Variants in CBX8 observed in about 807,000 individuals in gnomAD.
CBX8 encodes the protein chromobox protein homolog 8.
In CBX8, 8 loss-of-function variants were observed where a neutral mutation model predicts 39.7. The observed-to-expected ratio is 0.20, with a 90% CI of 0.12 to 0.36. CBX8 has a LOEUF of 0.36. Ranked by LOEUF, CBX8 falls within the 10% of genes least tolerant of loss-of-function variation. The pLI is 1.00. For missense variants in CBX8, 505 were observed against 529.6 expected (o/e 0.95, Z 0.46); for synonymous variants, 268 against 219.8 (o/e 1.22, Z -1.94).
In CBX8 at chr17:79,795,284, C is replaced by A. The variant is rs750716232; in HGVS notation, c.521G>T (p.Arg174Leu). 137 of 1,600,018 alleles carry A rather than the reference C, an allele frequency of 8.6e-5. No individual in the cohort carries two copies. The highest frequency in any genetic ancestry group is 9.5e-5 in the Non-Finnish European group (111 of 1,173,352). ...RERERERERE[R>L]ERERERGTSR... ...GGTACCCCGCTCTCGTTCCCTCTCA[C>A]GTTCCCGCTCCCTCTCTCGCTCCCT... Residue 174 changes from arginine to leucine, a missense_variant, in exon 5 of 5, where the codon CGT (arginine) becomes CTT (leucine). By Grantham distance (102) the Arg-to-Leu change is moderately radical (BLOSUM62 -2). Transcript: ENST00000269385. The surrounding 1 kb of genome is among the most constrained non-coding windows in gnomAD (Gnocchi z 5.8).
chr17:79,796,462 A>T, intron 2 of CBX8, 35 bp downstream of exon 2: 1 of 1,613,652 alleles, frequency 6.2e-7, no homozygotes, highest in South Asian at 1.1e-5. Context: ...CCCGAATAAC[A>T]GTCTGGGGTT....
chr17:79,795,440 T>A lies in CBX8; in HGVS notation c.365A>T (p.Glu122Val). Residue 122 changes from glutamate to valine, a missense_variant, in exon 5 of 5, where the codon GAG becomes GTG. Physicochemically the swap from Glu to Val is moderately radical, Grantham distance 121 (BLOSUM62 -2). This residue lies in a region of CBX8 where 456 missense variants were observed against 389.2 expected (regional missense o/e 1.17). Coordinates refer to ENST00000269385, the MANE Select transcript of CBX8 (RefSeq NM_020649.3). This position sits in a 1 kb window ranked among gnomAD's most constrained non-coding sequence, Gnocchi z 5.8. ...GGACAAACCCATGTTTCGAAGGCCCTCCCGGGCCCGGGAAGTGGAGGCCAG... is the reference window on the plus strand; with the variant it reads ...GGACAAACCCATGTTTCGAAGGCCCACCCGGGCCCGGGAAGTGGAGGCCAG... ...QDLASTSRAREGLRNMGLSPP... is the reference protein window; with the variant it reads ...QDLASTSRARVGLRNMGLSPP... 10 of 1,606,062 alleles carry A rather than the reference T, an allele frequency of 6.2e-6. No individual in the cohort carries two copies. The highest frequency in any genetic ancestry group is 8.5e-6 in the Non-Finnish European group (10 of 1,176,454).
Position 79,797,009 on chromosome 17 carries a change from C to T in CBX8, c.-11G>A. ...CGCTGAAAGCTCCATGTTGACTCGC[C>T]GCTTCCCCCCTTGGCCGCTTCCAGG... On this transcript the variant is annotated 5_prime_UTR_variant, in exon 1 of 5. Coordinates refer to ENST00000269385, the MANE Select transcript of CBX8 (RefSeq NM_020649.3). 1 of 1,607,180 alleles carries T rather than the reference C, an allele frequency of 6.2e-7. No homozygotes were observed. Among genetic ancestry groups the T allele is most frequent in the Non-Finnish European group, 8.5e-7 (1 of 1,177,536 alleles).
Position 79,795,455 on chromosome 17 carries a change from G to C in CBX8, c.350C>G (p.Thr117Ser), listed in dbSNP as rs375799501. Residue 117 changes from threonine (T) to serine (S), a missense_variant, in exon 5 of 5, where the codon ACT becomes AGT. Physicochemically the swap from Thr to Ser is moderately conservative, Grantham distance 58. Coordinates refer to ENST00000269385, the MANE Select transcript of CBX8 (RefSeq NM_020649.3). The surrounding 1 kb of genome is among the most constrained non-coding windows in gnomAD (Gnocchi z 5.8). ...TCGAAGGCCCTCCCGGGCCCGGGAAGTGGAGGCCAGGTCCTGGGGCGAGCG... is the reference window on the plus strand; with the variant it reads ...TCGAAGGCCCTCCCGGGCCCGGGAACTGGAGGCCAGGTCCTGGGGCGAGCG... ...PGRSPQDLAS[T>S]SRAREGLRNM... is the part of the protein sequence containing the mutation. 762 of 1,606,860 alleles carry C rather than the reference G, an allele frequency of 4.7e-4. 7 individuals are homozygous for C. In the Admixed American group the frequency reaches 0.012, roughly 25 times the overall value.
rs929624260 is a variant in CBX8, at chr17:79,792,258, A to G, written c.*2377T>C. The stretch of plus-strand genomic sequence containing the variant: ...GCGGAGATCGATTGGAGATTTGTAC[A>G]AATCTTAGAATTAAATAAACCCAAC... On this transcript the variant is annotated 3_prime_UTR_variant, in exon 5 of 5. Coordinates refer to ENST00000269385, the MANE Select transcript of CBX8 (RefSeq NM_020649.3). 8 of 152,238 alleles carry G rather than the reference A, an allele frequency of 5.3e-5. No individual in the cohort carries two copies. The highest frequency in any genetic ancestry group is 3.9e-4 in the Admixed American group (6 of 15,286). 9.4% of individuals were successfully genotyped at this position (152,238 alleles called of 1,614,324 possible).
In CBX8 at chr17:79,797,042, A is replaced by C; in HGVS notation, c.-44T>G. 1 of 1,581,916 alleles carries C rather than the reference A, an allele frequency of 6.3e-7. No individual in the cohort carries two copies. The highest frequency in any genetic ancestry group is 1.4e-5 in the African/African-American group (1 of 73,560). On this transcript the variant is annotated 5_prime_UTR_variant, in exon 1 of 5. Coordinates refer to ENST00000269385, the MANE Select transcript of CBX8 (RefSeq NM_020649.3). ...CCCTTGGCCGCTTCCAGGAGCAGAA[A>C]AGCAGCAGCCAGCGCACGACAGACC...
rs1018551775 is a variant in CBX8 at position 79,793,908 on chromosome 17, C to T, written c.*727G>A. ...CTGCGTGTACCACACACACACCCCT[C>T]CCTAAAGTGCATTTCCTGGTGTGGT... On this transcript the variant is annotated 3_prime_UTR_variant, in exon 5 of 5. Transcript: ENST00000269385. The T allele has an allele frequency of 6.6e-6, 1 of 152,198 alleles. No homozygotes were observed. Among genetic ancestry groups the T allele is most frequent in the African/African-American group, 2.4e-5 (1 of 41,438 alleles). 9.4% of individuals were successfully genotyped at this position (152,198 alleles called of 1,614,324 possible). A position where few individuals can be genotyped will look rare whatever the true frequency, so the allele number is the denominator to read the frequency against.
Position 79,795,586 on chromosome 17 carries a change from T to C in CBX8, c.247-28A>G. The C allele has an allele frequency of 6.7e-7, 1 of 1,481,692 alleles. No homozygotes were observed. The highest frequency in any genetic ancestry group is 1.4e-5 in the South Asian group (1 of 71,024). 91.8% of individuals were successfully genotyped at this position (1,481,692 alleles called of 1,614,324 possible). On this transcript the variant is annotated intron_variant, in intron 4 of 4. Transcript: ENST00000269385. This position sits in a 1 kb window ranked among gnomAD's most constrained non-coding sequence, Gnocchi z 5.8. Reference sequence around the variant, plus strand: ...GCAGGAGAGAAGATGGTCTCAAGAGTGGGGCAGGGCCCTGTCCACCCCCAC... The same window carrying C: ...GCAGGAGAGAAGATGGTCTCAAGAGCGGGGCAGGGCCCTGTCCACCCCCAC...
rs1598234740 is a variant in CBX8, at chr17:79,794,521, C to A, written c.*114G>T. On this transcript the variant is annotated 3_prime_UTR_variant, in exon 5 of 5. Coordinates refer to ENST00000269385, the MANE Select transcript of CBX8 (RefSeq NM_020649.3). Reference sequence around the variant, plus strand: ...AAAGGGGCTGGTGGGGTGGGGGTGACATCAGGGACGGGACCAGCCAAAAGG... The same window carrying A: ...AAAGGGGCTGGTGGGGTGGGGGTGAAATCAGGGACGGGACCAGCCAAAAGG... The A allele has an allele frequency of 6.9e-6, 5 of 723,754 alleles. No homozygotes were observed. The highest frequency in any genetic ancestry group is 1.8e-5 in the African/African-American group (1 of 56,344). 44.8% of individuals were successfully genotyped at this position (723,754 alleles called of 1,614,324 possible). A position where few individuals can be genotyped will look rare whatever the true frequency, so the allele number is the denominator to read the frequency against.
In CBX8 at chr17:79,795,175, G is replaced by C. The variant is rs1438911766; in HGVS notation, c.630C>G (p.Pro210=). 1.2e-6 allele frequency: 2 copies of C among 1,613,536 alleles called. No individual in the cohort carries two copies. Among genetic ancestry groups the C allele is most frequent in the Admixed American group, 1.7e-5 (1 of 59,962 alleles). ...TGGGTTCGCCTAAGGGCCTCTGTGAGGGGTCCGGGAGCTCCTTCCGGGGCT... is the reference window on the plus strand; with the variant it reads ...TGGGTTCGCCTAAGGGCCTCTGTGACGGGTCCGGGAGCTCCTTCCGGGGCT... ...GPKPRKELPD[P]SQRPLGEPSA... Residue 210 remains proline, a synonymous_variant, in exon 5 of 5, where the codon CCC becomes CCG. Transcript: ENST00000269385. The surrounding 1 kb of genome is among the most constrained non-coding windows in gnomAD (Gnocchi z 5.8).
Position 79,796,230 on chromosome 17 carries a change from G to A in CBX8, c.179+20C>T, listed in dbSNP as rs1196359451. 6.2e-7 allele frequency: 1 copy of A among 1,614,032 alleles called. No homozygotes were observed. The highest frequency in any genetic ancestry group is 8.5e-7 in the Non-Finnish European group (1 of 1,180,000). ...CTACTTGTTTCTAAGTGAGCGGCTG[G>A]GACTTGGAAGGGTCTGTACCTTTCC... is the stretch of plus-strand genomic sequence containing the variant. On this transcript the variant is annotated intron_variant, in intron 3 of 4. Coordinates refer to ENST00000269385, the MANE Select transcript of CBX8 (RefSeq NM_020649.3).
rs1907997691 is a variant in CBX8 at position 79,794,623 on chromosome 17, C to A, written c.*12G>T. The A allele has an allele frequency of 6.5e-7, 1 of 1,540,418 alleles. No homozygotes were observed. Among genetic ancestry groups the A allele is most frequent in the Admixed American group, 2.1e-5 (1 of 47,582 alleles). ...CTCCCCTGCTCTCCTCCTGGACACACCCACCCAGCATTCATCTTTTCTCTT... is the reference window on the plus strand; with the variant it reads ...CTCCCCTGCTCTCCTCCTGGACACAACCACCCAGCATTCATCTTTTCTCTT... On this transcript the variant is annotated 3_prime_UTR_variant, in exon 5 of 5. Transcript: ENST00000269385.
intron 1 of CBX8, 62 bp from the exon 2 acceptor site, chr17:79,796,602 A>C: frequency 6.3e-7 from 1 of 1,583,270 alleles, no homozygotes; most frequent in Non-Finnish European, 8.7e-7. Context: ...GGATACAAGA[A>C]ATGCATGCGA....
rs1234004373 is a variant in CBX8 at position 79,794,947 on chromosome 17, C to T, written c.858G>A (p.Lys286=). 1 of 1,606,116 alleles carries T rather than the reference C, an allele frequency of 6.2e-7. No individual in the cohort carries two copies. The highest frequency in any genetic ancestry group is 1.1e-5 in the South Asian group (1 of 90,124). ...AVDTFPARVI[K]HRAAFLEAKG... ...TGGCCTCCAGGAAGGCAGCCCTGTG[C>T]TTTATCACCCTGGCCGGGAAGGTGT... The change falls in exon 5 of 5, where the codon AAG becomes AAA. Residue 286 remains lysine (K), a synonymous_variant. Transcript: ENST00000269385.
intron 2 of CBX8, 71 bp downstream of exon 2, chr17:79,796,426 A>G: frequency 6.2e-7 from 1 of 1,603,462 alleles, no homozygotes; most frequent in Non-Finnish European, 8.5e-7. Context: ...TTCAATGTAA[A>G]GGCAAAAAGA....
At position 79,796,534 on chromosome 17, in the gene CBX8, T is replaced by C. The variant is rs1908099028; in HGVS notation, c.76A>G (p.Met26Val). The C allele has an allele frequency of 6.2e-7, 1 of 1,614,192 alleles. No individual in the cohort carries two copies. The highest frequency in any genetic ancestry group is 8.5e-7 in the Non-Finnish European group (1 of 1,180,030). ...LLKRRIRKGR[M>V]EYLVKWKGWS... Reference sequence around the variant, plus strand: ...CCCTTCCATTTCACGAGGTATTCCATGCGTCCCTGCGGGTGCAAAGGCGAT... The same window carrying C: ...CCCTTCCATTTCACGAGGTATTCCACGCGTCCCTGCGGGTGCAAAGGCGAT... Residue 26 changes from methionine (M) to valine (V), a missense_variant, in exon 2 of 5, where the codon ATG becomes GTG. This residue lies in a region of CBX8 where 32 missense variants were observed against 101.4 expected (regional missense o/e 0.32). Transcript: ENST00000269385.
At position 79,795,024 on chromosome 17, in the gene CBX8, A is replaced by G; in HGVS notation, c.781T>C (p.Cys261Arg). 6.2e-7 allele frequency: 1 copy of G among 1,607,264 alleles called. No homozygotes were observed. Among genetic ancestry groups the G allele is most frequent in the Non-Finnish European group, 8.5e-7 (1 of 1,176,608 alleles). Residue 261 changes from cysteine to arginine, a missense_variant, in exon 5 of 5, where the codon TGT (cysteine) becomes CGT (arginine). Transcript: ENST00000269385. This position sits in a 1 kb window ranked among gnomAD's most constrained non-coding sequence, Gnocchi z 5.8. ...ARRQDSDLVQ[C>R]GVTSPSSAEA... Reference sequence around the variant, plus strand: ...GCTGAGCTAGGGCTGGTCACACCACACTGCACCAGGTCCGAGTCCTGTCTT... The same window carrying G: ...GCTGAGCTAGGGCTGGTCACACCACGCTGCACCAGGTCCGAGTCCTGTCTT...
chr17:79,795,793 C>T lies in CBX8; in HGVS notation c.247-235G>A, dbSNP rs1165497212. 2.0e-5 allele frequency among the ~76,000 whole-genome samples: 3 copies of T among 152,148 alleles called. No individual in the cohort carries two copies. Among genetic ancestry groups the T allele is most frequent in the Non-Finnish European group, 4.4e-5 (3 of 68,026 alleles). On this transcript the variant is annotated intron_variant, in intron 4 of 4. Coordinates refer to ENST00000269385, the MANE Select transcript of CBX8 (RefSeq NM_020649.3). This position sits in a 1 kb window ranked among gnomAD's most constrained non-coding sequence, Gnocchi z 5.8. ...GGTAGAAGATTTGGCTGGAAGTAGTCATTTGCAAAAAGTACACTTTTTGCA... is the reference window on the plus strand; with the variant it reads ...GGTAGAAGATTTGGCTGGAAGTAGTTATTTGCAAAAAGTACACTTTTTGCA...
intron 2 of CBX8, 27 bp downstream of exon 2, chr17:79,796,470 G>C: frequency 6.2e-7 from 1 of 1,613,914 alleles, no homozygotes; most frequent in Non-Finnish European, 8.5e-7. Context: ...ACAGTCTGGG[G>C]TTGAGAATTG....
Sources: gnomAD v4.1 joint callset for allele counts (sites outside exome capture counted in the v4.1 genomes callset) on GRCh38, gnomAD v4.1.1 for gene constraint, gnomAD v4.1.1 regional missense constraint, Gnocchi (gnomAD v3.1) non-coding constraint, MANE v1.5 for transcripts, NCBI Gene and HGNC (gene_info 2026-07-23, HGNC 2026-07-21) for gene names.